Variants in GALNT13 observed in about 807,000 individuals in gnomAD.
The protein encoded by GALNT13 is UDP-GalNAc:polypeptide N-acetylgalactosaminyltransferase 13.
In GALNT13, 28 loss-of-function variants were observed where a neutral mutation model predicts 64.2. The observed-to-expected ratio is 0.44, with a 90% CI of 0.32 to 0.60. GALNT13 has a LOEUF of 0.60. Among genes scored for constraint, GALNT13 ranks in the 20% least tolerant of loss-of-function variants. The probability of loss-of-function intolerance (pLI) is 0.05; values close to 1 mark genes in which losing one functional copy is unlikely to be tolerated. For missense variants in GALNT13, 577 were observed against 669.8 expected, an observed-to-expected ratio of 0.86 and a Z score of 1.53; for synonymous variants, 214 against 224.6, an observed-to-expected ratio of 0.95 and a Z score of 0.42.
chr2:153,314,897 G>A, the GALNT13 span, among the ~76,000 whole-genome samples: 1 of 151,056 alleles, frequency 6.6e-6, no homozygotes, highest in African/African-American at 2.4e-5. Flanking sequence ...AAAGCAAATA[G>A]AAGGAAAATA....
chr2:153,105,862 A>C, the GALNT13 span, among the ~76,000 whole-genome samples: 1 of 152,188 alleles, frequency 6.6e-6, no homozygotes, highest in African/African-American at 2.4e-5. Context: ...CAATGAAATA[A>C]AAGAGGATAC....
At chr2:153,789,849 C>A in the GALNT13 span, among the ~76,000 whole-genome samples, 1 of 152,050 alleles carries the variant, frequency 6.6e-6, no homozygotes, top group East Asian at 1.9e-4. Context: ...GGATAAATAT[C>A]TGGACACATA....
chr2:153,109,812 G>A, the GALNT13 span, among the ~76,000 whole-genome samples: 55 of 152,044 alleles, frequency 3.6e-4, no homozygotes, highest in Non-Finnish European at 3.4e-4. Flanking sequence ...TGTGCAGAAG[G>A]CAGGGTGGCT....
chr2:153,992,546 T>C (rs1695230956), intron 3 of GALNT13, among the ~76,000 whole-genome samples: 1 of 152,166 alleles, frequency 6.6e-6, no homozygotes, highest in Non-Finnish European at 1.5e-5. Context: ...ATGAACAAAG[T>C]TCAACCTGAA....
At chr2:153,381,193 C>CTCCTCA in the GALNT13 span, among the ~76,000 whole-genome samples, 1 of 152,104 alleles carries the variant, frequency 6.6e-6, no homozygotes, top group Non-Finnish European at 1.5e-5. Context: ...GCCATCGATC[C>CTCCTCA]TCCTCATCCT....
chr2:153,378,390 T>A, the GALNT13 span, among the ~76,000 whole-genome samples: 1 of 152,162 alleles, frequency 6.6e-6, no homozygotes, highest in Non-Finnish European at 1.5e-5. Context: ...CTTAAATGTA[T>A]TTGGAACATA....
At chr2:154,062,775 G>C (rs1348881199) in intron 3 of GALNT13, among the ~76,000 whole-genome samples, 1 of 152,040 alleles carries the variant, frequency 6.6e-6, no homozygotes, top group Non-Finnish European at 1.5e-5. Flanking sequence ...AACATTTCTA[G>C]TGTAGTTTTG....
At chr2:153,740,829 T>A in the GALNT13 span, among the ~76,000 whole-genome samples, 1 of 152,146 alleles carries the variant, frequency 6.6e-6, no homozygotes, top group Non-Finnish European at 1.5e-5. Flanking sequence ...TTCCGTCAGG[T>A]ACTTGAGCAG....
the GALNT13 span, among the ~76,000 whole-genome samples, chr2:153,664,068 T>C: frequency 1.3e-5 from 2 of 152,164 alleles, no homozygotes; most frequent in African/African-American, 2.4e-5. Context: ...GCTGGGCACG[T>C]ATTGTCTTGA....
At chr2:153,169,786 T>G in the GALNT13 span, among the ~76,000 whole-genome samples, 3 of 152,150 alleles carry the variant, frequency 2.0e-5, no homozygotes, top group Non-Finnish European at 4.4e-5. Context: ...GCAGAGCCAT[T>G]TTATATTTAA....
intron 8 of GALNT13, among the ~76,000 whole-genome samples, chr2:154,260,395 A>G (rs904122014): frequency 2.4e-4 from 36 of 152,274 alleles, no homozygotes; most frequent in African/African-American, 8.2e-4. Flanking sequence ...GTTACCTTGA[A>G]TTTCTCTACT....
At chr2:153,707,354 T>C in the GALNT13 span, among the ~76,000 whole-genome samples, 3 of 152,146 alleles carry the variant, frequency 2.0e-5, no homozygotes, top group Admixed American at 6.5e-5. Flanking sequence ...TTCATCCTAA[T>C]ACTGAAAAAA....
the GALNT13 span, among the ~76,000 whole-genome samples, chr2:153,211,123 C>G: frequency 6.6e-6 from 1 of 150,444 alleles, no homozygotes; most frequent in Non-Finnish European, 1.5e-5. Context: ...AGAATTCTAA[C>G]ATTGACAAAC....
At chr2:154,340,826 G>A (rs929209664) in intron 9 of GALNT13, among the ~76,000 whole-genome samples, 2 of 151,926 alleles carry the variant, frequency 1.3e-5, no homozygotes, top group Non-Finnish European at 2.9e-5. Flanking sequence ...TCCTTAACAC[G>A]TTTATAAGAT....
At chr2:153,571,709 T>C in the GALNT13 span, among the ~76,000 whole-genome samples, 1 of 152,066 alleles carries the variant, frequency 6.6e-6, no homozygotes, top group Non-Finnish European at 1.5e-5. Context: ...ACACATCATA[T>C]GGTTTTTATC....
the GALNT13 span, among the ~76,000 whole-genome samples, chr2:153,507,685 T>C: frequency 6.6e-6 from 1 of 152,192 alleles, no homozygotes; most frequent in African/African-American, 2.4e-5. Flanking sequence ...AGAGATTTCA[T>C]CTTGGTTTGG....
chr2:153,581,368 T>TC, the GALNT13 span, among the ~76,000 whole-genome samples: 1 of 152,130 alleles, frequency 6.6e-6, no homozygotes, highest in Non-Finnish European at 1.5e-5. Flanking sequence ...TTTCTTTTTT[T>TC]CCCACGGTTA....
Position 154,099,625 on chromosome 2 carries a change from C to G in GALNT13, c.143-40712C>G, listed in dbSNP as rs114114451. ...GTAACAGGGGTCAACTTTTGTTCTT[C>G]TGCATATGGCTAGCCAATTTTCCCA... is the stretch of plus-strand genomic sequence containing the variant. On this transcript the variant is annotated intron_variant, in intron 3 of 12. Coordinates refer to ENST00000392825, the MANE Select transcript of GALNT13 (RefSeq NM_052917.4). 9.4e-3 allele frequency among the ~76,000 whole-genome samples: 1,432 copies of G among 152,154 alleles called. 23 individuals carry two copies. Among genetic ancestry groups the G allele is most frequent in the African/African-American group, 0.032 (1,314 of 41,532 alleles).
chr2:154,407,687 A>AT (rs1359691048), intron 10 of GALNT13, among the ~76,000 whole-genome samples: 2 of 151,926 alleles, frequency 1.3e-5, no homozygotes, highest in African/African-American at 2.4e-5. Flanking sequence ...TGCTGCTCAG[A>AT]TTTTTTTATG....
Sources: allele counts gnomAD v4.1 joint callset (sites outside exome capture counted in the v4.1 genomes callset), GRCh38; gene constraint gnomAD v4.1.1; transcripts MANE v1.5; gene names NCBI Gene and HGNC (gene_info 2026-07-23, HGNC 2026-07-21).